Variants in SDK2 observed in about 807,000 individuals in gnomAD.
The protein encoded by SDK2 is protein sidekick-2.
Under a neutral mutation model 253.9 loss-of-function variants are expected in SDK2, and 105 were observed. The ratio of observed to expected loss-of-function variants is 0.41; its 90% CI spans 0.35 to 0.49. The LOEUF is 0.49. Ranked by LOEUF, SDK2 falls within the 20% of genes least tolerant of loss-of-function variation. The pLI, the probability that SDK2 is intolerant of heterozygous loss-of-function variation, is 0.06. For missense variants in SDK2, 2,608 were observed against 3,003.0 expected (o/e 0.87, Z 3.07); for synonymous variants, 1,249 against 1,234.9 (o/e 1.01, Z -0.24).
chr17:73,344,745 G>A (rs577043096), intron 44 of SDK2, among the ~76,000 whole-genome samples: 1 of 152,338 alleles, frequency 6.6e-6, no homozygotes, highest in Non-Finnish European at 1.5e-5. Flanking sequence ...TATCAACGAG[G>A]TCTCAGCTGA....
At chr17:73,488,029 T>A (rs904137030) in intron 2 of SDK2, among the ~76,000 whole-genome samples, 6 of 151,850 alleles carry the variant, frequency 4.0e-5, no homozygotes, top group Non-Finnish European at 5.9e-5. Context: ...TGTCCCTTTT[T>A]TTTTGAGACG....
Position 73,427,696 on chromosome 17 carries a change from T to C in SDK2, c.1583+2815A>G, listed in dbSNP as rs139268355. Among the ~76,000 whole-genome samples, 608 of 132,384 alleles carry C rather than the reference T, an allele frequency of 4.6e-3. 1 individual carries two copies. Among genetic ancestry groups the C allele is most frequent in the Middle Eastern group, 0.014 (3 of 214 alleles). 86.8% of individuals were successfully genotyped at this position (132,384 alleles called of 152,430 possible). A position where few individuals can be genotyped will look rare whatever the true frequency, so the allele number is the denominator to read the frequency against. ...CAGATCTTACACCCTTCACAAAAAT[T>C]AACTCAAATTGGATCCCAGAGCTAA... On this transcript the variant is annotated intron_variant, in intron 12 of 44. Transcript: ENST00000392650.
chr17:73,414,080 T>C (rs2063160701), intron 18 of SDK2, among the ~76,000 whole-genome samples: 1 of 151,664 alleles, frequency 6.6e-6, no homozygotes, highest in Non-Finnish European at 1.5e-5. Context: ...AGAGTTTCAT[T>C]CTGTGGCCCA....
Position 73,423,913 on chromosome 17 carries a change from T to C in SDK2, c.1760+3A>G. 1 of 1,564,334 alleles carries C rather than the reference T, an allele frequency of 6.4e-7. No homozygotes were observed. The highest frequency in any genetic ancestry group is 1.2e-5 in the South Asian group (1 of 85,958). On this transcript the variant is annotated splice_donor_region_variant and intron_variant, in intron 13 of 44. Transcript: ENST00000392650. ...TGCCGGGGTCTGGGAGGGCTGCCCT[T>C]ACCTGACTCGCAGGTGGGCACTGCG...
intron 1 of SDK2, among the ~76,000 whole-genome samples, chr17:73,592,773 C>G (rs997341208): frequency 6.6e-6 from 1 of 152,184 alleles, no homozygotes; most frequent in Non-Finnish European, 1.5e-5. Flanking sequence ...AGGACAGGAA[C>G]GGAGGTCCAG....
At chr17:73,605,392 G>A (rs536509025) in intron 1 of SDK2, among the ~76,000 whole-genome samples, 59 of 152,246 alleles carry the variant, frequency 3.9e-4, no homozygotes, top group Admixed American at 1.6e-3. Flanking sequence ...AAATGGGTGT[G>A]GAGAAGAAAG....
At chr17:73,448,493 T>G (rs935575229) in intron 4 of SDK2, among the ~76,000 whole-genome samples, 7 of 152,004 alleles carry the variant, frequency 4.6e-5, no homozygotes, top group Non-Finnish European at 8.8e-5. Context: ...GCCTCCCGAG[T>G]AGCTAGGACT....
intron 15 of SDK2, among the ~76,000 whole-genome samples, chr17:73,421,759 C>T (rs940340702): frequency 1.1e-4 from 17 of 151,684 alleles, no homozygotes; most frequent in Non-Finnish European, 1.8e-4. Flanking sequence ...CTGGGTTTTG[C>T]TATGTTGGCC....
At chr17:73,411,702 G>T (rs1372468123) in intron 18 of SDK2, among the ~76,000 whole-genome samples, 1 of 152,076 alleles carries the variant, frequency 6.6e-6, no homozygotes, top group African/African-American at 2.4e-5. Flanking sequence ...TGAGGTCTGT[G>T]TTCCAGGATG....
Position 73,403,922 on chromosome 17 carries a change from G to A in SDK2, c.2485-1781C>T, listed in dbSNP as rs144599192. Reference sequence around the variant, plus strand: ...AATGTTTTAATTTAATTTAATTAATGTACATTCAAATTAATTATGCTGTTA... The same window carrying A: ...AATGTTTTAATTTAATTTAATTAATATACATTCAAATTAATTATGCTGTTA... On this transcript the variant is annotated intron_variant, in intron 18 of 44. Transcript: ENST00000392650. 1.5e-3 allele frequency among the ~76,000 whole-genome samples: 223 copies of A among 152,302 alleles called. 2 individuals are homozygous for A. The highest frequency in any genetic ancestry group is 5.0e-3 in the African/African-American group (209 of 41,562).
chr17:73,493,008 G>A (rs768208307), intron 2 of SDK2, among the ~76,000 whole-genome samples: 4 of 152,228 alleles, frequency 2.6e-5, no homozygotes, highest in Non-Finnish European at 4.4e-5. Context: ...TGGAAAGCGG[G>A]AGATTCTCAG....
intron 44 of SDK2, among the ~76,000 whole-genome samples, chr17:73,340,836 C>T (rs1194961693): frequency 6.7e-5 from 9 of 133,334 alleles, no homozygotes; most frequent in Non-Finnish European, 1.1e-4. Context: ...CTCTGCCTCC[C>T]GGGTTCAAGT....
intron 16 of SDK2, among the ~76,000 whole-genome samples, chr17:73,417,241 T>TA (rs112364858): frequency 0.7 from 98,411 of 140,960 alleles, 34,730 homozygotes; most frequent in Non-Finnish European, 0.76. Flanking sequence ...TTGTCTCTAC[T>TA]AAAAAAAAAA....
At chr17:73,589,727 G>A (rs981213954) in intron 1 of SDK2, among the ~76,000 whole-genome samples, 7 of 152,232 alleles carry the variant, frequency 4.6e-5, no homozygotes, top group East Asian at 3.8e-4. Flanking sequence ...GTGTGAAATC[G>A]GACAAGGCAG....
intron 1 of SDK2, among the ~76,000 whole-genome samples, chr17:73,537,029 C>G (rs1317736385): frequency 6.6e-6 from 1 of 152,174 alleles, no homozygotes; most frequent in Non-Finnish European, 1.5e-5. Flanking sequence ...TTAGCTCACC[C>G]TGAGGCTTTG....
At chr17:73,342,990 G>A (rs963733444) in intron 44 of SDK2, among the ~76,000 whole-genome samples, 3 of 152,200 alleles carry the variant, frequency 2.0e-5, no homozygotes, top group Admixed American at 1.3e-4. Context: ...CGGGGAGGCT[G>A]ACTCAGTGCT....
chr17:73,497,740 G>T (rs1333198371), intron 2 of SDK2, among the ~76,000 whole-genome samples: 5 of 151,904 alleles, frequency 3.3e-5, no homozygotes, highest in African/African-American at 9.7e-5. Flanking sequence ...TTCTCACCCA[G>T]CTTCCTGAGC....
chr17:73,597,333 C>T (rs1599713003), intron 1 of SDK2, among the ~76,000 whole-genome samples: 1 of 152,170 alleles, frequency 6.6e-6, no homozygotes, highest in South Asian at 2.1e-4. Flanking sequence ...AAACCTGTGA[C>T]CAAGTCTCAG....
At chr17:73,356,115 G>A (rs1868748171) in intron 40 of SDK2, among the ~76,000 whole-genome samples, 3 of 152,200 alleles carry the variant, frequency 2.0e-5, no homozygotes, top group Non-Finnish European at 4.4e-5. Flanking sequence ...AAGGTCCTAC[G>A]CTGTCAGCAG....
Sources: allele counts gnomAD v4.1 joint callset (sites outside exome capture counted in the v4.1 genomes callset), GRCh38; gene constraint gnomAD v4.1.1; transcripts MANE v1.5; gene names NCBI Gene and HGNC (gene_info 2026-07-23, HGNC 2026-07-21).